AFAP1L2: variants seen among roughly 807,000 people sequenced by gnomAD.
The protein encoded by AFAP1L2 is actin filament-associated protein 1-like 2.
A neutral mutation model predicts 99.3 loss-of-function variants in AFAP1L2; 46 were observed. The observed-to-expected ratio is 0.46, with a 90% CI of 0.37 to 0.59. The LOEUF (loss-of-function observed/expected upper bound fraction) is 0.59, where lower values mean the gene tolerates loss of function less well. Ranked by LOEUF, AFAP1L2 falls within the 20% of genes least tolerant of loss-of-function variation. The pLI, the probability that AFAP1L2 is intolerant of heterozygous loss-of-function variation, is 0.00. For missense variants in AFAP1L2, 959 were observed against 1,034.9 expected (o/e 0.93, Z 1.01); for synonymous variants, 397 against 419.1 (o/e 0.95, Z 0.64).
intron 4 of AFAP1L2, among the ~76,000 whole-genome samples, chr10:114,330,452 G>C (rs939492103): frequency 6.6e-6 from 1 of 152,190 alleles, no homozygotes; most frequent in Non-Finnish European, 1.5e-5. Context: ...TGCTGACTCT[G>C]TCACTTACAG....
intron 1 of AFAP1L2, among the ~76,000 whole-genome samples, chr10:114,374,877 G>A (rs906909319): frequency 4.0e-5 from 6 of 151,698 alleles, no homozygotes; most frequent in Admixed American, 3.3e-4. Flanking sequence ...AGGTGGTTTA[G>A]GTCCCTTAGG....
At chr10:114,329,019 G>A (rs1253878688) in intron 4 of AFAP1L2, among the ~76,000 whole-genome samples, 1 of 152,226 alleles carries the variant, frequency 6.6e-6, no homozygotes. Flanking sequence ...GCCTTTTCCT[G>A]TCAAGTCAGC....
At chr10:114,344,575 A>G (rs1590355433) in intron 1 of AFAP1L2, among the ~76,000 whole-genome samples, 2 of 152,202 alleles carry the variant, frequency 1.3e-5, no homozygotes, top group East Asian at 3.9e-4. Flanking sequence ...AAAGGGTGGA[A>G]AGTGCTGGGC....
At chr10:114,285,985 G>A in the AFAP1L2 span, 1 of 1,612,606 alleles carries the variant, frequency 6.2e-7, no homozygotes, top group Non-Finnish European at 8.5e-7. Flanking sequence ...TCTTCCTGCT[G>A]GACAGCTCTG....
chr10:114,321,531 C>A (rs909696649), intron 5 of AFAP1L2, among the ~76,000 whole-genome samples: 2 of 152,216 alleles, frequency 1.3e-5, no homozygotes, highest in African/African-American at 4.8e-5. Context: ...TTGGTTCCAT[C>A]TCATTCCTGG....
intron 2 of AFAP1L2, 74 bp from the exon 3 acceptor site, chr10:114,333,369 C>T: frequency 8.2e-7 from 1 of 1,212,976 alleles, no homozygotes; most frequent in Non-Finnish European, 1.2e-6. Context: ...AACCCTGTTA[C>T]TCCAGAGCTG....
At chr10:114,288,660 G>C in the AFAP1L2 span, among the ~76,000 whole-genome samples, 1 of 152,354 alleles carries the variant, frequency 6.6e-6, no homozygotes, top group East Asian at 1.9e-4. Flanking sequence ...AGCTGCATGA[G>C]TTTGAAATTG....
chr10:114,315,317 G>A (rs2043942296), intron 6 of AFAP1L2, among the ~76,000 whole-genome samples: 2 of 152,146 alleles, frequency 1.3e-5, no homozygotes, highest in Non-Finnish European at 2.9e-5. Flanking sequence ...GGGAGGCGGT[G>A]GTAGTCACAA....
chr10:114,384,237 C>T (rs2056171194), intron 1 of AFAP1L2, among the ~76,000 whole-genome samples: 1 of 152,160 alleles, frequency 6.6e-6, no homozygotes, highest in Non-Finnish European at 1.5e-5. Flanking sequence ...CCACGAATCC[C>T]ATCCTTGCCT....
intron 1 of AFAP1L2, among the ~76,000 whole-genome samples, chr10:114,342,529 G>A (rs1385385107): frequency 1.3e-5 from 2 of 152,170 alleles, no homozygotes; most frequent in African/African-American, 4.8e-5. Context: ...AGATTATCCT[G>A]GTTTGTGCAG....
At chr10:114,336,605 A>C (rs770800313) in intron 2 of AFAP1L2, among the ~76,000 whole-genome samples, 4 of 150,848 alleles carry the variant, frequency 2.7e-5, no homozygotes, top group Non-Finnish European at 5.9e-5. Flanking sequence ...GAGGAGGAAC[A>C]TGAACCTCTT....
intron 1 of AFAP1L2, among the ~76,000 whole-genome samples, chr10:114,365,669 AG>A (rs1222795983): frequency 6.6e-6 from 1 of 151,778 alleles, no homozygotes; most frequent in Non-Finnish European, 1.5e-5. Flanking sequence ...GATGGATCTA[AG>A]GGGAAGCCTT....
chr10:114,397,044 A>C (rs475150), intron 1 of AFAP1L2, among the ~76,000 whole-genome samples: 132,642 of 152,008 alleles, frequency 0.87, 58,162 homozygotes, highest in Middle Eastern at 0.94. Flanking sequence ...TTGACCTTGA[A>C]CCTTCATCTT....
At chr10:114,296,866 C>G in intron 18 of AFAP1L2, 112 bp downstream of exon 18, 1 of 1,574,112 alleles carries the variant, frequency 6.4e-7, no homozygotes, top group Non-Finnish European at 8.7e-7. Flanking sequence ...GTGCCGAGCC[C>G]TTGCTCAGAG....
At chr10:114,309,282 G>A (rs1454872051) in intron 8 of AFAP1L2, among the ~76,000 whole-genome samples, 1 of 152,202 alleles carries the variant, frequency 6.6e-6, no homozygotes, top group Non-Finnish European at 1.5e-5. Flanking sequence ...CTTGTCAGTG[G>A]CCAAGGAATA....
intron 7 of AFAP1L2, among the ~76,000 whole-genome samples, chr10:114,311,584 G>C (rs777064488): frequency 8.5e-5 from 13 of 152,222 alleles, no homozygotes; most frequent in Admixed American, 1.3e-4. Context: ...TTTGCCACGA[G>C]CCAGCTGTGA....
chr10:114,374,846 A>AGGGGGGGGGGGGGGGGGGGGGGGGGG, intron 1 of AFAP1L2, among the ~76,000 whole-genome samples: 1 of 29,692 alleles, frequency 3.4e-5, no homozygotes, highest in East Asian at 1.4e-3. Context: ...AGAGGGAGGG[A>AGGGGGGGGGGGGGGGGGGGGGGGGGG]GGGGGTGGGG....
intron 11 of AFAP1L2, among the ~76,000 whole-genome samples, chr10:114,302,940 G>T (rs1043201729): frequency 1.3e-5 from 2 of 152,166 alleles, no homozygotes; most frequent in African/African-American, 4.8e-5. Context: ...GGATCCCCAA[G>T]AAATAACAAC....
chr10:114,378,173 G>C (rs956358665), intron 1 of AFAP1L2, among the ~76,000 whole-genome samples: 2 of 152,220 alleles, frequency 1.3e-5, no homozygotes, highest in African/African-American at 4.8e-5. Flanking sequence ...GAATTCTCAA[G>C]ACAGCGGCTT....
Sources: allele counts gnomAD v4.1 joint callset (sites outside exome capture counted in the v4.1 genomes callset), GRCh38; gene constraint gnomAD v4.1.1; transcripts MANE v1.5; gene names NCBI Gene and HGNC (gene_info 2026-07-23, HGNC 2026-07-21).